Variants in ASTN2 observed in about 807,000 individuals in gnomAD.
ASTN2 encodes the protein astrotactin 2.
Under a neutral mutation model 139.8 loss-of-function variants are expected in ASTN2, and 54 were observed. The ratio of observed to expected loss-of-function variants is 0.39; its 90% CI spans 0.31 to 0.48. The LOEUF (loss-of-function observed/expected upper bound fraction) is 0.48. ASTN2 is among the 20% of genes least tolerant of loss of function. ASTN2 has a pLI of 0.95. For synonymous variants in ASTN2, 756 were observed against 719.5 expected (o/e 1.05, Z -0.81); for missense variants, 1,565 against 1,725.1 (o/e 0.91, Z 1.64).
At chr9:116,821,955 G>A (rs916315465) in intron 11 of ASTN2, among the ~76,000 whole-genome samples, 1 of 152,016 alleles carries the variant, frequency 6.6e-6, no homozygotes, top group South Asian at 2.1e-4. Context: ...CCTGCTTTCA[G>A]AAGAGAAAAT....
chr9:117,140,212 G>A (rs1163876510), intron 4 of ASTN2, among the ~76,000 whole-genome samples: 1 of 152,134 alleles, frequency 6.6e-6, no homozygotes, highest in Non-Finnish European at 1.5e-5. Context: ...GCATGGCATG[G>A]GAAACAGCAC....
intron 13 of ASTN2, among the ~76,000 whole-genome samples, chr9:116,803,643 G>C (rs1487198301): frequency 6.7e-6 from 1 of 149,518 alleles, no homozygotes; most frequent in African/African-American, 2.4e-5. Flanking sequence ...TCCTGCCTCA[G>C]CCTCCTGAGT....
At chr9:116,498,372 G>T (rs1849737114) in intron 19 of ASTN2, among the ~76,000 whole-genome samples, 1 of 151,986 alleles carries the variant, frequency 6.6e-6, no homozygotes, top group African/African-American at 2.4e-5. Flanking sequence ...ATCACTTGAG[G>T]CCAGGAGGTC....
At chr9:117,130,724 G>A (rs1217079593) in intron 4 of ASTN2, among the ~76,000 whole-genome samples, 2 of 152,124 alleles carry the variant, frequency 1.3e-5, no homozygotes, top group Non-Finnish European at 2.9e-5. Flanking sequence ...TTCCATGTAG[G>A]AATGGGAGCT....
chr9:116,444,212 A>G (rs1222081498), intron 20 of ASTN2, among the ~76,000 whole-genome samples: 1 of 152,158 alleles, frequency 6.6e-6, no homozygotes, highest in Non-Finnish European at 1.5e-5. Context: ...TCTAAAATTC[A>G]TACATGCAAC....
chr9:117,301,811 T>C (rs1022787975), intron 1 of ASTN2, among the ~76,000 whole-genome samples: 9 of 151,484 alleles, frequency 5.9e-5, no homozygotes, highest in Non-Finnish European at 1.2e-4. Context: ...GTGAATGAGT[T>C]TTTAAGATCA....
chr9:117,238,474 C>T (rs1339788294), intron 2 of ASTN2, among the ~76,000 whole-genome samples: 2 of 152,194 alleles, frequency 1.3e-5, no homozygotes, highest in Non-Finnish European at 2.9e-5. Context: ...AAGGGTCCTC[C>T]CAGTGCTGAA....
At chr9:117,172,102 T>C (rs1248709273) in intron 3 of ASTN2, among the ~76,000 whole-genome samples, 4 of 152,088 alleles carry the variant, frequency 2.6e-5, no homozygotes, top group Non-Finnish European at 1.5e-5. Context: ...CAGAGTACTG[T>C]TTACTTTTTA....
At chr9:116,768,447 G>A (rs10081636) in intron 13 of ASTN2, among the ~76,000 whole-genome samples, 6 of 152,136 alleles carry the variant, frequency 3.9e-5, no homozygotes, top group African/African-American at 9.7e-5. Context: ...TCCCTGACCC[G>A]TCCTCCATCA....
At chr9:116,787,887 A>G (rs1354912781) in intron 13 of ASTN2, among the ~76,000 whole-genome samples, 5 of 152,242 alleles carry the variant, frequency 3.3e-5, no homozygotes, top group Admixed American at 1.3e-4. Context: ...ATTATAACAA[A>G]TGTACCATAA....
At chr9:116,969,592 C>T (rs4629949) in intron 10 of ASTN2, among the ~76,000 whole-genome samples, 42,561 of 151,744 alleles carry the variant, frequency 0.28, 6,223 homozygotes, top group Admixed American at 0.37. Context: ...AGATGAGGGA[C>T]GAAAAGAAAC....
chr9:116,617,095 G>T (rs1422263443), intron 19 of ASTN2, among the ~76,000 whole-genome samples: 1 of 152,154 alleles, frequency 6.6e-6, no homozygotes, highest in Non-Finnish European at 1.5e-5. Flanking sequence ...TGTGGAAAAA[G>T]CCACATTAAT....
rs28719721 is a variant in ASTN2, at chr9:116,623,741, A to G, written c.3073-3298T>C. ...TTACCCATTGAAATGGATGCTCAAT[A>G]CCCACTTACAGAAAAGCGTGCAGGA... On this transcript the variant is annotated intron_variant, in intron 17 of 22. Coordinates refer to ENST00000313400, the MANE Select transcript of ASTN2 (RefSeq NM_001365068.1). Among the ~76,000 whole-genome samples the G allele has an allele frequency of 8.3e-3, 1,267 of 152,308 alleles. 16 individuals are homozygous for G. Among genetic ancestry groups the G allele is most frequent in the African/African-American group, 0.028 (1,149 of 41,556 alleles).
At chr9:116,781,196 GGAGAAGT>G (rs749304936) in intron 13 of ASTN2, among the ~76,000 whole-genome samples, 2 of 152,126 alleles carry the variant, frequency 1.3e-5, no homozygotes, top group South Asian at 2.1e-4. Context: ...CAGAAAGGAG[GGAGAAGT>G]AGGTCAGCTG....
intron 3 of ASTN2, among the ~76,000 whole-genome samples, chr9:117,166,841 T>C (rs1185629365): frequency 6.6e-6 from 1 of 152,138 alleles, no homozygotes; most frequent in Non-Finnish European, 1.5e-5. Flanking sequence ...TTTAAGAACC[T>C]GGCATGACAC....
chr9:116,825,000 A>G (rs1393210155), intron 11 of ASTN2, among the ~76,000 whole-genome samples: 1 of 152,208 alleles, frequency 6.6e-6, no homozygotes, highest in Non-Finnish European at 1.5e-5. Context: ...TGTAGGAAGG[A>G]AGTTCCTACA....
chr9:116,453,593 CAAAAAAAAAAAAAA>C (rs386416019), intron 20 of ASTN2, among the ~76,000 whole-genome samples: 5 of 58,786 alleles, frequency 8.5e-5, no homozygotes, highest in Non-Finnish European at 1.1e-4. Context: ...GACTCCGTCT[CAAAAAAAAAAAAAA>C]AAAAAAAAAA....
At chr9:116,808,368 T>C (rs535735491) in intron 12 of ASTN2, among the ~76,000 whole-genome samples, 30 of 152,226 alleles carry the variant, frequency 2.0e-4, no homozygotes, top group African/African-American at 6.5e-4. Flanking sequence ...GGGGGATTTA[T>C]ATAAACACAC....
intron 2 of ASTN2, among the ~76,000 whole-genome samples, chr9:117,233,393 G>A (rs1276053986): frequency 6.6e-6 from 1 of 152,194 alleles, no homozygotes; most frequent in East Asian, 1.9e-4. Context: ...CATCAGTCAA[G>A]TGGCAACAAT....
Sources: allele counts gnomAD v4.1 joint callset (sites outside exome capture counted in the v4.1 genomes callset), GRCh38; gene constraint gnomAD v4.1.1; transcripts MANE v1.5; gene names NCBI Gene and HGNC (gene_info 2026-07-23, HGNC 2026-07-21).